The following C4orf51 variants were observed in gnomAD, a reference collection of about 807,000 sequenced individuals.
The protein encoded by C4orf51 is chromosome 4 open reading frame 51, also known as uncharacterized protein C4orf51.
Under a neutral mutation model 25.2 loss-of-function variants are expected in C4orf51, and 25 were observed. That is an observed-to-expected ratio of 0.99 (90% CI 0.72 to 1.39). The LOEUF (loss-of-function observed/expected upper bound fraction) is 1.39. Ranked by LOEUF, C4orf51 falls within the 40% of genes most tolerant of loss-of-function variation. The pLI is 0.00. For synonymous variants in C4orf51, 100 were observed against 84.5 expected, an observed-to-expected ratio of 1.18 and a Z score of -1.01; for missense variants, 252 against 239.6, an observed-to-expected ratio of 1.05 and a Z score of -0.34.
chr4:145,776,608 C>G, the C4orf51 span, among the ~76,000 whole-genome samples: 211 of 150,718 alleles, frequency 1.4e-3, 1 homozygote, highest in African/African-American at 4.8e-3. Flanking sequence ...GTGTGCATGT[C>G]TGTTTGTGTG....
At chr4:145,699,814 C>T (rs1323999533) in intron 2 of C4orf51, among the ~76,000 whole-genome samples, 1 of 151,946 alleles carries the variant, frequency 6.6e-6, no homozygotes, top group Non-Finnish European at 1.5e-5. Context: ...GGGGAAAGGG[C>T]AAGTACCCCA....
intron 1 of C4orf51, among the ~76,000 whole-genome samples, chr4:145,683,043 A>G (rs185041964): frequency 1.3e-5 from 2 of 152,270 alleles, no homozygotes; most frequent in Non-Finnish European, 2.9e-5. Context: ...CTAATAAGCT[A>G]TTATAGCAAG....
At chr4:145,771,003 C>T (rs184547521) in exon 2 of C4orf51, 28 of 152,240 alleles carry the variant, frequency 1.8e-4, no homozygotes, top group Admixed American at 1.5e-3. Context: ...ATATAAGCCT[C>T]GAGTTTTAGC....
intron 2 of C4orf51, among the ~76,000 whole-genome samples, chr4:145,704,460 A>T (rs2126712520): frequency 6.6e-6 from 1 of 152,288 alleles, no homozygotes; most frequent in African/African-American, 2.4e-5. Flanking sequence ...TTTGGATAAA[A>T]TATTTTAATT....
chr4:145,706,808 ATTTT>A (rs34336553), intron 2 of C4orf51, among the ~76,000 whole-genome samples: 2 of 118,686 alleles, frequency 1.7e-5, no homozygotes, highest in Non-Finnish European at 1.7e-5. Flanking sequence ...TGCCCGGCTA[ATTTT>A]TTTTTTTTTT....
Position 145,698,538 on chromosome 4 carries a change from G to A in C4orf51, c.307+1906G>A, listed in dbSNP as rs193175597. On this transcript the variant is annotated intron_variant, in intron 2 of 5. Coordinates refer to ENST00000438731, the MANE Select transcript of C4orf51 (RefSeq NM_001080531.3). ...TGTCTGGGTTTTGATAAAGGGATGT[G>A]GAGACCAAGGTTTTATGATACAAAT... Among the ~76,000 whole-genome samples the A allele has an allele frequency of 2.2e-4, 33 of 152,322 alleles. No individual in the cohort carries two copies. The East Asian group carries it at 6.0e-3, about 28-fold the overall frequency.
rs1335402116 is a variant in C4orf51, at chr4:145,763,073, G to A, written n.167-7915G>A. ...GGTCAGGTGCACACACAACCCCTAC[G>A]CCAAGCTGGGCCTTACCTAGAGGAG... On this transcript the variant is annotated intron_variant and non_coding_transcript_variant, in intron 1 of 1. Coordinates refer to the C4orf51 transcript ENST00000510096. This position sits in a 1 kb window ranked among gnomAD's most constrained non-coding sequence, Gnocchi z 4.6. The A allele has an allele frequency of 9.8e-6, 15 of 1,535,430 alleles. No homozygotes were observed. The highest frequency in any genetic ancestry group is 3.6e-5 in the South Asian group (3 of 84,012).
chr4:145,783,570 A>T, the C4orf51 span, among the ~76,000 whole-genome samples: 1 of 152,208 alleles, frequency 6.6e-6, no homozygotes, highest in African/African-American at 2.4e-5. Flanking sequence ...CAGTTAACCC[A>T]ACAGTCATTC....
At chr4:145,720,436 C>A (rs1256745315) in intron 2 of C4orf51, among the ~76,000 whole-genome samples, 8 of 152,178 alleles carry the variant, frequency 5.3e-5, no homozygotes, top group Non-Finnish European at 2.9e-5. Flanking sequence ...TACACTCCCC[C>A]AAAGGAGCCC....
At chr4:145,759,375 G>A (rs923651917) in intron 1 of C4orf51, 1 of 152,072 alleles carries the variant, frequency 6.6e-6, no homozygotes, top group African/African-American at 2.4e-5. Context: ...ATAAAGTGCT[G>A]CACATAAATT....
chr4:145,741,508 A>T (rs934432583), intron 1 of C4orf51, among the ~76,000 whole-genome samples: 1 of 152,090 alleles, frequency 6.6e-6, no homozygotes, highest in Non-Finnish European at 1.5e-5. Context: ...TCAAAGGGTG[A>T]CTTGATAGAA....
chr4:145,731,564 C>CTTTTTTTTTTTTTTTTTT (rs398051305), intron 5 of C4orf51, among the ~76,000 whole-genome samples: 1 of 43,860 alleles, frequency 2.3e-5, no homozygotes, highest in African/African-American at 1.0e-4. Flanking sequence ...CAAGGCAAAT[C>CTTTTTTTTTTTTTTTTTT]TTTTTTTTTT....
the C4orf51 span, among the ~76,000 whole-genome samples, chr4:145,791,212 A>T: frequency 6.6e-6 from 1 of 152,180 alleles, no homozygotes; most frequent in East Asian, 1.9e-4. Flanking sequence ...GTGTCTGGGG[A>T]GGCCCTGCTT....
rs867942596 is a variant in C4orf51, at chr4:145,761,690, C to A, written n.167-9298C>A. 5.1e-6 allele frequency: 4 copies of A among 782,168 alleles called. No homozygotes were observed. The highest frequency in any genetic ancestry group is 3.1e-5 in the Admixed American group (1 of 32,560). The allele number at this position is 782,168 out of a possible 1,614,324, so 48.5% of individuals were successfully genotyped here. A position where few individuals can be genotyped will look rare whatever the true frequency, so the allele number is the denominator to read the frequency against. ...GCCTCACCAGCCTTCCCTCACACCA[C>A]CCCCCAGTGTCTGAGGCCTGGCCTG... On this transcript the variant is annotated intron_variant and non_coding_transcript_variant, in intron 1 of 1. Coordinates refer to the C4orf51 transcript ENST00000510096. This position sits in a 1 kb window ranked among gnomAD's most constrained non-coding sequence, Gnocchi z 6.8.
chr4:145,696,953 C>T (rs1730102538), intron 2 of C4orf51, among the ~76,000 whole-genome samples: 2 of 151,896 alleles, frequency 1.3e-5, no homozygotes, highest in African/African-American at 4.8e-5. Context: ...AGGAGAATTG[C>T]TTGAACCCGG....
chr4:145,769,077 C>G (rs1031792833), intron 1 of C4orf51, among the ~76,000 whole-genome samples: 4 of 150,682 alleles, frequency 2.7e-5, no homozygotes, highest in Admixed American at 2.0e-4. Flanking sequence ...AATATGTACC[C>G]ACTTACAATG....
chr4:145,709,276 G>A (rs544813122), intron 2 of C4orf51, among the ~76,000 whole-genome samples: 1 of 152,182 alleles, frequency 6.6e-6, no homozygotes, highest in Non-Finnish European at 1.5e-5. Context: ...CCCTATGCAG[G>A]TGAAAAACCT....
intron 2 of C4orf51, among the ~76,000 whole-genome samples, chr4:145,718,636 C>A (rs991317349): frequency 6.6e-6 from 1 of 152,230 alleles, no homozygotes; most frequent in African/African-American, 2.4e-5. Flanking sequence ...ACAGAATAAT[C>A]TCACTTCTGT....
chr4:145,722,633 C>G (rs557146937), intron 2 of C4orf51, among the ~76,000 whole-genome samples: 23 of 152,268 alleles, frequency 1.5e-4, no homozygotes, highest in Non-Finnish European at 2.8e-4. Flanking sequence ...TTTGAAAAAT[C>G]TGATGAAAGC....
Sources: gnomAD v4.1 joint callset for allele counts (sites outside exome capture counted in the v4.1 genomes callset) on GRCh38, gnomAD v4.1.1 for gene constraint, Gnocchi (gnomAD v3.1) non-coding constraint, MANE v1.5 for transcripts, NCBI Gene and HGNC (gene_info 2026-07-23, HGNC 2026-07-21) for gene names.